Variants in ARHGEF10L observed in about 807,000 individuals in gnomAD.
The protein encoded by ARHGEF10L is rho guanine nucleotide exchange factor 10-like protein.
In ARHGEF10L, 69 loss-of-function variants were observed where a neutral mutation model predicts 141.2. The observed-to-expected ratio is 0.49, with a 90% confidence interval of 0.40 to 0.60. The LOEUF (loss-of-function observed/expected upper bound fraction) is 0.60. ARHGEF10L is among the 20% of genes least tolerant of loss of function. The pLI, the probability that ARHGEF10L is intolerant of heterozygous loss-of-function variation, is 0.00. For missense variants in ARHGEF10L, 1,482 were observed against 1,734.3 expected, an observed-to-expected ratio of 0.85 and a Z score of 2.58; for synonymous variants, 711 against 718.5, an observed-to-expected ratio of 0.99 and a Z score of 0.17.
intron 4 of ARHGEF10L, among the ~76,000 whole-genome samples, chr1:17,597,527 C>T (rs1193460529): frequency 6.6e-6 from 1 of 152,170 alleles, no homozygotes; most frequent in East Asian, 1.9e-4. Flanking sequence ...TGTCCCTGCT[C>T]CCCCAACTTT....
At chr1:17,669,425 T>G (rs1181176829) in intron 26 of ARHGEF10L, among the ~76,000 whole-genome samples, 1 of 152,224 alleles carries the variant, frequency 6.6e-6, no homozygotes, top group Non-Finnish European at 1.5e-5. Flanking sequence ...AATCCTCAAA[T>G]CACGCTTTGA....
intron 4 of ARHGEF10L, among the ~76,000 whole-genome samples, chr1:17,595,859 A>G (rs2080044897): frequency 6.6e-6 from 1 of 152,172 alleles, no homozygotes; most frequent in South Asian, 2.1e-4. Context: ...GCCTCATTTT[A>G]CAGATATGGA....
Position 17,553,593 on chromosome 1 carries a change from G to A in ARHGEF10L, c.-44+13643G>A, listed in dbSNP as rs577144341. ...GCCCTGGAGTTCAAGACCAGCCTGG[G>A]CAACATAGTGAGACCCCATCTTTAA... On this transcript the variant is annotated intron_variant, in intron 1 of 28. Coordinates refer to ENST00000361221, the MANE Select transcript of ARHGEF10L (RefSeq NM_018125.4). 4.4e-4 allele frequency among the ~76,000 whole-genome samples: 67 copies of A among 152,106 alleles called. 1 individual carries two copies. The South Asian group carries it at 0.013, about 31-fold the overall frequency.
intron 26 of ARHGEF10L, among the ~76,000 whole-genome samples, chr1:17,679,232 G>C (rs1042805972): frequency 6.6e-6 from 1 of 152,192 alleles, no homozygotes; most frequent in Non-Finnish European, 1.5e-5. Flanking sequence ...GAGGTGGACT[G>C]GTCGTTGCAC....
rs1350548903 is a variant in ARHGEF10L at position 17,619,414 on chromosome 1, G to A, written c.911G>A (p.Gly304Asp). Residue 304 changes from glycine to aspartate, a missense_variant, in exon 10 of 29, where the codon GGC becomes GAC. This residue lies in a region of ARHGEF10L where 392 missense variants were observed against 542.1 expected (regional missense o/e 0.72). Coordinates refer to ENST00000361221, the MANE Select transcript of ARHGEF10L (RefSeq NM_018125.4). This position sits in a 1 kb window ranked among gnomAD's most constrained non-coding sequence, Gnocchi z 5.0. Reference sequence around the variant, plus strand: ...ATCAAGCCCCCAGCCCCAGAGCTGGGCCCCATGCCAGAGGGCCTGAGCCCT... The same window carrying A: ...ATCAAGCCCCCAGCCCCAGAGCTGGACCCCATGCCAGAGGGCCTGAGCCCT... ...SDIKPPAPEL[G>D]PMPEGLSPQQ... 6.2e-7 allele frequency: 1 copy of A among 1,611,094 alleles called. No individual in the cohort carries two copies. Among genetic ancestry groups the A allele is most frequent in the East Asian group, 2.2e-5 (1 of 44,764 alleles).
At chr1:17,513,775 A>T in the ARHGEF10L span, among the ~76,000 whole-genome samples, 2 of 152,218 alleles carry the variant, frequency 1.3e-5, no homozygotes, top group South Asian at 4.2e-4. Flanking sequence ...CTGTCCCCAG[A>T]TGTTACATGG....
chr1:17,633,142 G>A (rs2060799663), intron 16 of ARHGEF10L, among the ~76,000 whole-genome samples: 1 of 152,194 alleles, frequency 6.6e-6, no homozygotes, highest in Non-Finnish European at 1.5e-5. Context: ...GGGCCTGGCT[G>A]CCTGAGGCCA....
chr1:17,526,935 AG>A, the ARHGEF10L span, among the ~76,000 whole-genome samples: 5 of 150,428 alleles, frequency 3.3e-5, no homozygotes, highest in Admixed American at 6.6e-5. Context: ...GACAAGGCTC[AG>A]GGATGGCAGG....
intron 2 of ARHGEF10L, among the ~76,000 whole-genome samples, chr1:17,582,378 A>G (rs1436912633): frequency 6.6e-6 from 1 of 152,220 alleles, no homozygotes; most frequent in African/African-American, 2.4e-5. Context: ...TTGTTGTTCC[A>G]GCTCTTTCTA....
chr1:17,515,362 C>T, the ARHGEF10L span, among the ~76,000 whole-genome samples: 1 of 150,492 alleles, frequency 6.6e-6, no homozygotes. Context: ...GGTGTGATCT[C>T]GGCTCACTGC....
At chr1:17,580,261 C>T (rs2078430761) in intron 1 of ARHGEF10L, among the ~76,000 whole-genome samples, 1 of 152,190 alleles carries the variant, frequency 6.6e-6, no homozygotes, top group African/African-American at 2.4e-5. Context: ...CACCTGTAAG[C>T]CAGAGGGGAT....
At chr1:17,664,171 AAG>A (rs754318187) in intron 25 of ARHGEF10L, among the ~76,000 whole-genome samples, 113 of 152,104 alleles carry the variant, frequency 7.4e-4, no homozygotes, top group African/African-American at 2.6e-3. Context: ...GAGAGAGGGA[AAG>A]AGAGAGAGAG....
chr1:17,601,599 C>G (rs2080685895), intron 4 of ARHGEF10L, among the ~76,000 whole-genome samples: 1 of 152,192 alleles, frequency 6.6e-6, no homozygotes, highest in African/African-American at 2.4e-5. Flanking sequence ...GCATGCACCA[C>G]CACGCCTGGC....
intron 13 of ARHGEF10L, among the ~76,000 whole-genome samples, 162 bp downstream of exon 13, chr1:17,624,665 G>A (rs559034814): frequency 1.8e-4 from 27 of 152,276 alleles, no homozygotes; most frequent in East Asian, 1.5e-3. Flanking sequence ...GAAGAAAATC[G>A]TTCCCTCCTG....
intron 1 of ARHGEF10L, among the ~76,000 whole-genome samples, chr1:17,569,698 T>C (rs2077911000): frequency 6.6e-6 from 1 of 152,098 alleles, no homozygotes; most frequent in African/African-American, 2.4e-5. Context: ...CCTTGCTCCT[T>C]CCCTGGGAAA....
chr1:17,517,372 C>A, the ARHGEF10L span, among the ~76,000 whole-genome samples: 170 of 152,260 alleles, frequency 1.1e-3, 3 homozygotes, highest in African/African-American at 3.9e-3. Context: ...GTCTGTCGCC[C>A]AGGCTGGAGT....
At chr1:17,536,069 C>A (rs2076571682), upstream of ARHGEF10L, among the ~76,000 whole-genome samples, 1 of 152,194 alleles carries the variant, frequency 6.6e-6, no homozygotes, top group African/African-American at 2.4e-5. Flanking sequence ...TTTATGTTGA[C>A]AGCACTAAAA....
At chr1:17,620,628 G>C (rs1439592490) in intron 10 of ARHGEF10L, among the ~76,000 whole-genome samples, 1 of 152,194 alleles carries the variant, frequency 6.6e-6, no homozygotes, top group African/African-American at 2.4e-5. Flanking sequence ...TGGGAGAAGA[G>C]CCTGCTGGAG....
At chr1:17,568,489 G>A (rs1403406967) in intron 1 of ARHGEF10L, among the ~76,000 whole-genome samples, 1 of 152,146 alleles carries the variant, frequency 6.6e-6, no homozygotes, top group Non-Finnish European at 1.5e-5. Flanking sequence ...AGGGGAACCT[G>A]GGGGGCACAC....
Sources: allele counts gnomAD v4.1 joint callset (sites outside exome capture counted in the v4.1 genomes callset), GRCh38; gene constraint gnomAD v4.1.1; regional missense constraint gnomAD v4.1.1; non-coding constraint Gnocchi (gnomAD v3.1); transcripts MANE v1.5; gene names NCBI Gene and HGNC (gene_info 2026-07-23, HGNC 2026-07-21).